OTOL1: variants seen among roughly 807,000 people sequenced by gnomAD.
OTOL1 encodes the protein otolin 1.
OTOL1 carries 31 observed loss-of-function variants against 25.0 expected under a neutral mutation model. That is an observed-to-expected ratio of 1.24 (90% CI 0.93 to 1.67). The LOEUF is 1.67. OTOL1 is among the 40% of genes most tolerant of loss of function. OTOL1 has a pLI of 0.00. For missense variants in OTOL1, 654 were observed against 587.7 expected (o/e 1.11, Z -1.17); for synonymous variants, 225 against 210.3 (o/e 1.07, Z -0.61).
Position 161,503,451 on chromosome 3 carries a change from A to C in OTOL1, c.943A>C (p.Asn315His). The stretch of plus-strand genomic sequence containing the variant: ...TACTGGGCCGAAGGGTGACATTGGC[A>C]ACAAAGGGGTCCGAGGCCCCACTGG... ...GPTGPKGDIG[N>H]KGVRGPTGKK... The change falls in exon 4 of 4, where the codon AAC (asparagine) becomes CAC (histidine). Residue 315 changes from asparagine to histidine, a missense_variant. Coordinates refer to ENST00000327928, the MANE Select transcript of OTOL1 (RefSeq NM_001080440.1). The C allele has an allele frequency of 6.2e-7, 1 of 1,613,732 alleles. No homozygotes were observed. The highest frequency in any genetic ancestry group is 8.5e-7 in the Non-Finnish European group (1 of 1,179,832).
In OTOL1 at chr3:161,503,168, C is replaced by G. The variant is rs1428965853; in HGVS notation, c.660C>G (p.His220Gln). 3 of 1,395,010 alleles carry G rather than the reference C, an allele frequency of 2.2e-6. No homozygotes were observed. The highest frequency in any genetic ancestry group is 2.8e-6 in the Non-Finnish European group (3 of 1,078,352). 86.4% of individuals were successfully genotyped at this position (1,395,010 alleles called of 1,614,324 possible). ...GGGCTATGGGCTCACCTGGCCTGCA[C>G]GGAGGGCCTGGCGCCAAGGGAGAGA... is the stretch of plus-strand genomic sequence containing the variant. ...DQGAMGSPGL[H>Q]GGPGAKGEKG... Residue 220 changes from histidine to glutamine, a missense_variant, in exon 4 of 4, where the codon CAC becomes CAG. Physicochemically the swap from His to Gln is conservative, Grantham distance 24. Transcript: ENST00000327928.
Position 161,503,048 on chromosome 3 carries a change from TA to T in OTOL1, c.543del (p.Gly182GlufsTer8), listed in dbSNP as rs760642134. 1 of 1,358,668 alleles carries T rather than the reference TA, an allele frequency of 7.4e-7. No individual in the cohort carries two copies. Among genetic ancestry groups the T allele is most frequent in the Non-Finnish European group, 9.5e-7 (1 of 1,050,656 alleles). The allele number at this position is 1,358,668 out of a possible 1,614,324, so 84.2% of individuals were successfully genotyped here. ...CAGGTGAACCTGGCCCTAAGGGAGA[TA>T]AAGGAAACATTGGTTTGGGAGGAGT... is the stretch of plus-strand genomic sequence containing the variant. The part of the protein sequence containing the change: ...AQGEPGPKGD[K>X]GNIGLGGVKG... On this transcript the variant is annotated frameshift_variant, in exon 4 of 4. Coordinates refer to ENST00000327928, the MANE Select transcript of OTOL1 (RefSeq NM_001080440.1). LOFTEE classifies it low-confidence loss of function (END_TRUNC).
intron 2 of OTOL1, among the ~76,000 whole-genome samples, chr3:161,499,588 T>C (rs1170546237): frequency 6.6e-6 from 1 of 152,136 alleles, no homozygotes; most frequent in East Asian, 1.9e-4. Context: ...ATACCCTTCC[T>C]GTACATGCTC....
In OTOL1 at chr3:161,503,748, A is replaced by G; in HGVS notation, c.1240A>G (p.Lys414Glu). The G allele has an allele frequency of 6.2e-7, 1 of 1,613,926 alleles. No homozygotes were observed. Among genetic ancestry groups the G allele is most frequent in the Non-Finnish European group, 8.5e-7 (1 of 1,179,864 alleles). Residue 414 changes from lysine (K) to glutamate (E), a missense_variant, in exon 4 of 4, where the codon AAG becomes GAG. Coordinates refer to ENST00000327928, the MANE Select transcript of OTOL1 (RefSeq NM_001080440.1). ...SLVAQNKKQFKSRETLYGQEI... is the reference protein window; with the variant it reads ...SLVAQNKKQFESRETLYGQEI... ...GGTGGCCCAGAATAAGAAGCAGTTC[A>G]AGTCCAGAGAAACTCTCTATGGTCA...
Position 161,496,957 on chromosome 3 carries a change from A to C in OTOL1, c.150A>C (p.Pro50=). 6.2e-7 allele frequency: 1 copy of C among 1,613,600 alleles called. No individual in the cohort carries two copies. Among genetic ancestry groups the C allele is most frequent in the Non-Finnish European group, 8.5e-7 (1 of 1,179,658 alleles). Residue 50 remains proline, a synonymous_variant, in exon 1 of 4, where the codon CCA becomes CCC. Transcript: ENST00000327928. Reference sequence around the variant, plus strand: ...AGGGTCTAAAGCCATCCAGTGGCCCACCTCCAGAAGAAGAAGAAACCCTCT... The same window carrying C: ...AGGGTCTAAAGCCATCCAGTGGCCCCCCTCCAGAAGAAGAAGAAACCCTCT... ...MPKGLKPSSG[P]PPEEEETLFT...
rs1718992664 is a variant in OTOL1, at chr3:161,502,312, AAAGGAGAACGTGGGGACC to A, written c.467_484del (p.Glu156_Gly161del). The A allele has an allele frequency of 3.7e-6, 6 of 1,612,978 alleles. No homozygotes were observed. Among genetic ancestry groups the A allele is most frequent in the African/African-American group, 1.3e-5 (1 of 74,932 alleles). ...TAATCTTGGTATCATCTTAGGACTC[AAAGGAGAACGTGGGGACC>A]AAGGAGTTCCAGGATACCCAGGAAA... On this transcript the variant is annotated inframe_deletion, in exon 3 of 4. Transcript: ENST00000327928.
In OTOL1 at chr3:161,503,376, G is replaced by A. The variant is rs764318667; in HGVS notation, c.868G>A (p.Gly290Arg). The A allele has an allele frequency of 1.9e-6, 3 of 1,606,170 alleles. No homozygotes were observed. Among genetic ancestry groups the A allele is most frequent in the African/African-American group, 1.3e-5 (1 of 74,590 alleles). The part of the protein sequence containing the change: ...NGLPGAKGDP[G>R]IKGEKGELGP... ...TCTGCCTGGGGCCAAAGGTGATCCA[G>A]GGATTAAAGGAGAAAAAGGAGAGTT... Residue 290 changes from glycine to arginine, a missense_variant, in exon 4 of 4, where the codon GGG (glycine) becomes AGG (arginine). Gly to Arg is a moderately radical substitution (Grantham distance 125). Coordinates refer to ENST00000327928, the MANE Select transcript of OTOL1 (RefSeq NM_001080440.1).
rs895807682 is a variant in OTOL1, at chr3:161,499,115, A to G, written c.365-56A>G. 3.0e-5 allele frequency: 40 copies of G among 1,348,810 alleles called. 1 individual carries two copies. The Admixed American group carries it at 6.7e-4, about 23-fold the overall frequency. The allele number at this position is 1,348,810 out of a possible 1,614,324, so 83.6% of individuals were successfully genotyped here. A position where few individuals can be genotyped will look rare whatever the true frequency, so the allele number is the denominator to read the frequency against. On this transcript the variant is annotated intron_variant, in intron 1 of 3. Coordinates refer to ENST00000327928, the MANE Select transcript of OTOL1 (RefSeq NM_001080440.1). ...AAATGCTTTTTTTCTTTCCTGAACT[A>G]ATGAACTTTAAAAGAGAAATTTTAT...
intron 2 of OTOL1, 66 bp downstream of exon 2, chr3:161,499,326 C>T (rs1220467295): frequency 1.5e-5 from 18 of 1,227,808 alleles, no homozygotes; most frequent in Non-Finnish European, 1.9e-5. Context: ...GAGCAATTTG[C>T]TACTTAAAGA....
In OTOL1 at chr3:161,503,065, T is replaced by C. The variant is rs1469457111; in HGVS notation, c.557T>C (p.Leu186Ser). 2 of 1,382,692 alleles carry C rather than the reference T, an allele frequency of 1.4e-6. No individual in the cohort carries two copies. The highest frequency in any genetic ancestry group is 2.9e-5 in the African/African-American group (2 of 69,116). The allele number at this position is 1,382,692 out of a possible 1,614,324, so 85.7% of individuals were successfully genotyped here. A position where few individuals can be genotyped will look rare whatever the true frequency, so the allele number is the denominator to read the frequency against. The change falls in exon 4 of 4, where the codon TTG (leucine) becomes TCG (serine). Residue 186 changes from leucine (L) to serine (S), a missense_variant. Coordinates refer to ENST00000327928, the MANE Select transcript of OTOL1 (RefSeq NM_001080440.1). ...GPKGDKGNIG[L>S]GGVKGQKGSK... is the part of the protein sequence containing the mutation. The stretch of plus-strand genomic sequence containing the variant: ...AAGGGAGATAAAGGAAACATTGGTT[T>C]GGGAGGAGTGAAAGGACAAAAAGGC...
Position 161,503,136 on chromosome 3 carries a change from G to A in OTOL1, c.628G>A (p.Asp210Asn), listed in dbSNP as rs1190972304. 1.3e-5 allele frequency: 18 copies of A among 1,433,314 alleles called. No homozygotes were observed. The highest frequency in any genetic ancestry group is 1.5e-5 in the Non-Finnish European group (16 of 1,092,616). 88.8% of individuals were successfully genotyped at this position (1,433,314 alleles called of 1,614,324 possible). A position where few individuals can be genotyped will look rare whatever the true frequency, so the allele number is the denominator to read the frequency against. ...GAATTGTACCAAAGGAGAAAAAGGA[G>A]ACCAAGGGGCTATGGGCTCACCTGG... is the stretch of plus-strand genomic sequence containing the variant. ...CGNCTKGEKG[D>N]QGAMGSPGLH... Residue 210 changes from aspartate to asparagine, a missense_variant, in exon 4 of 4, where the codon GAC (aspartate) becomes AAC (asparagine). Coordinates refer to ENST00000327928, the MANE Select transcript of OTOL1 (RefSeq NM_001080440.1).
intron 2 of OTOL1, among the ~76,000 whole-genome samples, chr3:161,501,393 G>T (rs902499027): frequency 6.7e-6 from 1 of 150,214 alleles, no homozygotes; most frequent in South Asian, 2.1e-4. Context: ...AATTCAGTGT[G>T]ACTGAACTAT....
At position 161,497,027 on chromosome 3, in the gene OTOL1, G is replaced by T. The variant is rs939710131; in HGVS notation, c.220G>T (p.Ala74Ser). 2 of 1,613,504 alleles carry T rather than the reference G, an allele frequency of 1.2e-6. No homozygotes were observed. The highest frequency in any genetic ancestry group is 2.7e-5 in the African/African-American group (2 of 74,882). Residue 74 changes from alanine to serine, a missense_variant, in exon 1 of 4, where the codon GCC (alanine) becomes TCC (serine). Coordinates refer to ENST00000327928, the MANE Select transcript of OTOL1 (RefSeq NM_001080440.1). ...GGCAGAACCAATTACCAAACCCTCG[G>T]CCTTGGATTCTGTCTTTGGCACTGC... The part of the protein sequence containing the change: ...EMAEPITKPS[A>S]LDSVFGTATL...
rs760454611 is a variant in OTOL1 at position 161,503,460 on chromosome 3, G to A, written c.952G>A (p.Val318Ile). The A allele has an allele frequency of 1.2e-6, 2 of 1,613,672 alleles. No individual in the cohort carries two copies. The highest frequency in any genetic ancestry group is 1.1e-5 in the South Asian group (1 of 91,052). The change falls in exon 4 of 4, where the codon GTC (valine) becomes ATC (isoleucine). Residue 318 changes from valine to isoleucine, a missense_variant. Val to Ile is a conservative substitution (Grantham distance 29). Coordinates refer to ENST00000327928, the MANE Select transcript of OTOL1 (RefSeq NM_001080440.1). ...GAAGGGTGACATTGGCAACAAAGGG[G>A]TCCGAGGCCCCACTGGGAAGAAGGG... Reference protein sequence around the residue: ...GPKGDIGNKGVRGPTGKKGSR... With the variant: ...GPKGDIGNKGIRGPTGKKGSR...
In OTOL1 at chr3:161,503,236, G is replaced by A; in HGVS notation, c.728G>A (p.Cys243Tyr). ...GEKGEMGDKG[C>Y]CGDSGERGGK... ...AAGGGGGAGATGGGGGATAAGGGCT[G>A]CTGTGGAGATTCTGGGGAGAGGGGA... Residue 243 changes from cysteine (C) to tyrosine (Y), a missense_variant, in exon 4 of 4, where the codon TGC becomes TAC. Coordinates refer to ENST00000327928, the MANE Select transcript of OTOL1 (RefSeq NM_001080440.1). 3 of 1,460,206 alleles carry A rather than the reference G, an allele frequency of 2.1e-6. No homozygotes were observed. Among genetic ancestry groups the A allele is most frequent in the Non-Finnish European group, 2.7e-6 (3 of 1,106,774 alleles). 90.5% of individuals were successfully genotyped at this position (1,460,206 alleles called of 1,614,324 possible). A position where few individuals can be genotyped will look rare whatever the true frequency, so the allele number is the denominator to read the frequency against.
At chr3:161,497,991 G>A (rs1211976182) in intron 1 of OTOL1, among the ~76,000 whole-genome samples, 1 of 152,076 alleles carries the variant, frequency 6.6e-6, no homozygotes, top group African/African-American at 2.4e-5. Context: ...TCTTCACCAA[G>A]CTTTTCATTC....
At position 161,503,504 on chromosome 3, in the gene OTOL1, C is replaced by T. The variant is rs201199440; in HGVS notation, c.996C>T (p.Gly332=). 39 of 1,613,598 alleles carry T rather than the reference C, an allele frequency of 2.4e-5. No homozygotes were observed. The highest frequency in any genetic ancestry group is 3.1e-5 in the Non-Finnish European group (37 of 1,179,784). Residue 332 remains glycine (G), a synonymous_variant, in exon 4 of 4, where the codon GGC becomes GGT. Transcript: ENST00000327928. ...AGAAGGGCTCTCGGGGCTTTAAAGG[C>T]TCCAAGGGTGAGTTGGCTAGAGTGC... is the stretch of plus-strand genomic sequence containing the variant. ...TGKKGSRGFK[G]SKGELARVPR... is the part of the protein sequence containing the mutation.
Position 161,503,432 on chromosome 3 carries a change from G to A in OTOL1, c.924G>A (p.Gly308=), listed in dbSNP as rs749101044. 3.1e-6 allele frequency: 5 copies of A among 1,613,690 alleles called. No homozygotes were observed. Among genetic ancestry groups the A allele is most frequent in the Admixed American group, 1.7e-5 (1 of 60,006 alleles). Residue 308 remains glycine (G), a synonymous_variant, in exon 4 of 4, where the codon GGG becomes GGA. Transcript: ENST00000327928. ...CTCCTGGTCTCCTGGGACCTACTGG[G>A]CCGAAGGGTGACATTGGCAACAAAG... ...LGPPGLLGPT[G]PKGDIGNKGV...
rs1204994482 is a variant in OTOL1 at position 161,503,615 on chromosome 3, C to A, written c.1107C>A (p.Asp369Glu). 2 of 1,613,658 alleles carry A rather than the reference C, an allele frequency of 1.2e-6. No homozygotes were observed. The highest frequency in any genetic ancestry group is 2.7e-5 in the African/African-American group (2 of 74,884). ...PIKFEKILYN[D>E]QGNYSPVTGK... ...AATTTGAAAAGATTCTCTATAATGACCAAGGGAATTACAGTCCTGTCACTG... is the reference window on the plus strand; with the variant it reads ...AATTTGAAAAGATTCTCTATAATGAACAAGGGAATTACAGTCCTGTCACTG... The change falls in exon 4 of 4, where the codon GAC becomes GAA. Residue 369 changes from aspartate to glutamate, a missense_variant. Physicochemically the swap from Asp to Glu is conservative, Grantham distance 45 (BLOSUM62 2). Coordinates refer to ENST00000327928, the MANE Select transcript of OTOL1 (RefSeq NM_001080440.1).
Sources: allele counts gnomAD v4.1 joint callset (sites outside exome capture counted in the v4.1 genomes callset), GRCh38; gene constraint gnomAD v4.1.1; transcripts MANE v1.5; gene names NCBI Gene and HGNC (gene_info 2026-07-23, HGNC 2026-07-21).